Variants in CDC42BPA observed in about 807,000 individuals in gnomAD.
CDC42BPA encodes serine/threonine-protein kinase MRCK alpha.
Under a neutral mutation model 223.5 loss-of-function variants are expected in CDC42BPA, and 80 were observed. The observed-to-expected ratio is 0.36, with a 90% CI of 0.30 to 0.43. The LOEUF is 0.43. Ranked by LOEUF, CDC42BPA falls within the 20% of genes least tolerant of loss-of-function variation. The probability of loss-of-function intolerance (pLI) is 1.00; values close to 1 mark genes in which losing one functional copy is unlikely to be tolerated. For synonymous variants in CDC42BPA, 694 were observed against 718.6 expected, an observed-to-expected ratio of 0.97 and a Z score of 0.55; for missense variants, 1,743 against 2,099.9, an observed-to-expected ratio of 0.83 and a Z score of 3.32.
chr1:227,300,393 T>C (rs1291862400), intron 1 of CDC42BPA, among the ~76,000 whole-genome samples: 2 of 152,166 alleles, frequency 1.3e-5, no homozygotes, highest in African/African-American at 4.8e-5. Flanking sequence ...CAATTCACAA[T>C]TGTAAAGATA....
chr1:227,160,414 T>C (rs1420543214), intron 6 of CDC42BPA, 129 bp downstream of exon 6: 4 of 680,658 alleles, frequency 5.9e-6, no homozygotes, highest in Non-Finnish European at 1.1e-5. Context: ...TGGAAGGAGG[T>C]GGCGCATAGA....
In CDC42BPA at chr1:227,182,400, T is replaced by C. The variant is rs190025612; in HGVS notation, c.599+11386A>G. ...TATGCACTGCAGGTGAAATATAAGG[T>C]ACAGAATTTCTTGGGCTTGGTTTCC... is the stretch of plus-strand genomic sequence containing the variant. On this transcript the variant is annotated intron_variant, in intron 5 of 36. Transcript: ENST00000366766. Among the ~76,000 whole-genome samples, 916 of 152,238 alleles carry C rather than the reference T, an allele frequency of 6.0e-3. 10 individuals are homozygous for C. The highest frequency in any genetic ancestry group is 0.021 in the African/African-American group (863 of 41,538).
intron 15 of CDC42BPA, among the ~76,000 whole-genome samples, chr1:227,093,156 A>G (rs528653207): frequency 3.3e-5 from 5 of 152,264 alleles, no homozygotes; most frequent in African/African-American, 1.2e-4. Flanking sequence ...TATCTCTCAC[A>G]ACAGTTTTAT....
rs1165995195 is a variant in CDC42BPA at position 227,040,240 on chromosome 1, C to T, written c.3094-4G>A. 2 of 1,570,852 alleles carry T rather than the reference C, an allele frequency of 1.3e-6. No individual in the cohort carries two copies. Among genetic ancestry groups the T allele is most frequent in the Non-Finnish European group, 1.8e-6 (2 of 1,141,818 alleles). On this transcript the variant is annotated splice_polypyrimidine_tract_variant and splice_region_variant and intron_variant, in intron 23 of 36. Coordinates refer to ENST00000366766, the MANE Select transcript of CDC42BPA (RefSeq NM_001394014.1). The stretch of plus-strand genomic sequence containing the variant: ...CAAAAAACTGGTGAGTCTTGCGCTG[C>T]AAAACAAATTGATAAAAAAACACAC...
intron 2 of CDC42BPA, among the ~76,000 whole-genome samples, chr1:227,241,223 G>C (rs1389840718): frequency 6.6e-6 from 1 of 151,974 alleles, no homozygotes; most frequent in Non-Finnish European, 1.5e-5. Context: ...AAAAATATTA[G>C]GCAAGAACAG....
intron 8 of CDC42BPA, 86 bp from the exon 9 acceptor site, chr1:227,143,110 T>C (rs1346310975): frequency 1.3e-6 from 1 of 785,828 alleles, no homozygotes. Context: ...CAAAAAGAAA[T>C]ATTTAAAAAA....
rs1326755196 is a variant in CDC42BPA at position 227,253,603 on chromosome 1, AATAAATACATAC to A, written c.270+449_270+460del. On this transcript the variant is annotated intron_variant, in intron 2 of 36. Coordinates refer to ENST00000366766, the MANE Select transcript of CDC42BPA (RefSeq NM_001394014.1). Reference sequence around the variant, plus strand: ...AGAGGGAAACTCCATCTCAAAAATAAATAAATACATACATACATACATACATACATACATACA... The same window carrying A: ...AGAGGGAAACTCCATCTCAAAAATAAATACATACATACATACATACATACA... 8.9e-4 allele frequency among the ~76,000 whole-genome samples: 97 copies of A among 109,560 alleles called. 1 individual carries two copies. The highest frequency in any genetic ancestry group is 3.3e-3 in the African/African-American group (92 of 28,124). 71.9% of individuals were successfully genotyped at this position (109,560 alleles called of 152,430 possible).
intron 5 of CDC42BPA, among the ~76,000 whole-genome samples, chr1:227,181,733 A>G (rs1226359178): frequency 6.6e-6 from 1 of 152,198 alleles, no homozygotes; most frequent in Non-Finnish European, 1.5e-5. Context: ...GTACAGCCTA[A>G]TACGTTCATG....
intron 5 of CDC42BPA, among the ~76,000 whole-genome samples, chr1:227,164,199 C>A (rs1664608861): frequency 6.6e-6 from 1 of 152,174 alleles, no homozygotes; most frequent in South Asian, 2.1e-4. Flanking sequence ...ACCAATACCA[C>A]AGTGTCTTAA....
intron 3 of CDC42BPA, among the ~76,000 whole-genome samples, chr1:227,201,336 C>T (rs754472357): frequency 4.6e-5 from 7 of 151,802 alleles, no homozygotes; most frequent in Non-Finnish European, 1.0e-4. Flanking sequence ...TTTCTAGAGA[C>T]GAGGTCTCAC....
chr1:227,102,742 T>C (rs2149324206), intron 14 of CDC42BPA, among the ~76,000 whole-genome samples: 1 of 152,234 alleles, frequency 6.6e-6, no homozygotes, highest in African/African-American at 2.4e-5. Flanking sequence ...CAAGAAATAA[T>C]AGGTTTTATT....
At chr1:227,287,497 T>G (rs1178902183) in intron 1 of CDC42BPA, among the ~76,000 whole-genome samples, 1 of 152,232 alleles carries the variant, frequency 6.6e-6, no homozygotes, top group Non-Finnish European at 1.5e-5. Context: ...CCTCTTACCC[T>G]GATAATTCTC....
At chr1:227,276,218 C>A (rs138185381) in intron 1 of CDC42BPA, among the ~76,000 whole-genome samples, 8,451 of 151,262 alleles carry the variant, frequency 0.056, 770 homozygotes, top group African/African-American at 0.19. Context: ...CCCGCCGCCC[C>A]GTCTGGGATG....
Position 227,119,880 on chromosome 1 carries a change from T to C in CDC42BPA, c.1571A>G (p.Asp524Gly). The C allele has an allele frequency of 6.2e-7, 1 of 1,604,448 alleles. No individual in the cohort carries two copies. The highest frequency in any genetic ancestry group is 8.5e-7 in the Non-Finnish European group (1 of 1,175,030). The change falls in exon 12 of 37, where the codon GAT becomes GGT. Residue 524 changes from aspartate to glycine, a missense_variant. By Grantham distance (94) the Asp-to-Gly change is moderately conservative (BLOSUM62 -1). Coordinates refer to ENST00000366766, the MANE Select transcript of CDC42BPA (RefSeq NM_001394014.1). ...EEANAVRQEL[D>G]DAFRQIKAYE... Reference sequence around the variant, plus strand: ...AGCCTTGATTTGTCTAAAAGCATCATCTAGTTCTTGCCTCACAGCATTAGC... The same window carrying C: ...AGCCTTGATTTGTCTAAAAGCATCACCTAGTTCTTGCCTCACAGCATTAGC...
chr1:227,055,949 C>T (rs1198062441), intron 21 of CDC42BPA, among the ~76,000 whole-genome samples: 1 of 151,490 alleles, frequency 6.6e-6, no homozygotes, highest in African/African-American at 2.4e-5. Context: ...TACTGCAAAA[C>T]ATTTTAATGC....
At chr1:227,100,281 C>T (rs1190221208) in intron 15 of CDC42BPA, among the ~76,000 whole-genome samples, 1 of 152,084 alleles carries the variant, frequency 6.6e-6, no homozygotes, top group African/African-American at 2.4e-5. Context: ...CCAGCCTGCT[C>T]CTCCCACTTC....
rs1015157952 is a variant in CDC42BPA, at chr1:227,112,528, G to A, written c.1891-106C>T. ...CTTGTAACAGGAAGATAATTCAAAT[G>A]TTTAAATCCATATTAAATAATATTA... On this transcript the variant is annotated intron_variant, in intron 13 of 36. Transcript: ENST00000366766. 14 of 988,158 alleles carry A rather than the reference G, an allele frequency of 1.4e-5. 1 individual carries two copies. In the Admixed American group the frequency reaches 1.8e-4, roughly 12 times the overall value. 61.2% of individuals were successfully genotyped at this position (988,158 alleles called of 1,614,324 possible).
At chr1:227,174,199 A>G (rs1353408095) in intron 5 of CDC42BPA, among the ~76,000 whole-genome samples, 1 of 152,146 alleles carries the variant, frequency 6.6e-6, no homozygotes, top group Non-Finnish European at 1.5e-5. Context: ...GCATCCATAT[A>G]ACATTACCTA....
chr1:227,304,944 A>G (rs1019576166), intron 1 of CDC42BPA, among the ~76,000 whole-genome samples: 15 of 152,208 alleles, frequency 9.9e-5, no homozygotes, highest in Non-Finnish European at 2.1e-4. Flanking sequence ...AAAGAACTTT[A>G]AATAATTTTT....
Sources: allele counts gnomAD v4.1 joint callset (sites outside exome capture counted in the v4.1 genomes callset), GRCh38; gene constraint gnomAD v4.1.1; transcripts MANE v1.5; gene names NCBI Gene and HGNC (gene_info 2026-07-23, HGNC 2026-07-21).